FRAT2: variants seen among roughly 807,000 people sequenced by gnomAD.
FRAT2 encodes GSK-3-binding protein FRAT2.
For missense variants in FRAT2, 326 were observed against 340.8 expected, an observed-to-expected ratio of 0.96 and a Z score of 0.34; for synonymous variants, 205 against 171.5, an observed-to-expected ratio of 1.20 and a Z score of -1.53.
rs1373422865 is a variant in FRAT2, at chr10:97,332,678, C to T, written c.*1193G>A. On this transcript the variant is annotated 3_prime_UTR_variant, in exon 1 of 1. Transcript: ENST00000371019. ...CTACCTTAAAGTTTGGGGGTGGCAC[C>T]TTACAAAAGCGCCGTCAAGTTTCAT... The T allele has an allele frequency of 2.6e-5, 4 of 152,166 alleles. No individual in the cohort carries two copies. Among genetic ancestry groups the T allele is most frequent in the African/African-American group, 7.2e-5 (3 of 41,436 alleles). The allele number at this position is 152,166 out of a possible 1,614,324, so 9.4% of individuals were successfully genotyped here.
rs1003681428 is a variant in FRAT2, at chr10:97,332,850, G to C, written c.*1021C>G. ...CATGACTCCATGGAGGGCCAGAAGA[G>C]AGCAGAAAAACGTCCAGGGTCTCTC... On this transcript the variant is annotated 3_prime_UTR_variant, in exon 1 of 1. Transcript: ENST00000371019. 4 of 152,222 alleles carry C rather than the reference G, an allele frequency of 2.6e-5. No individual in the cohort carries two copies. Among genetic ancestry groups the C allele is most frequent in the Admixed American group, 2.6e-4 (4 of 15,272 alleles). 9.4% of individuals were successfully genotyped at this position (152,222 alleles called of 1,614,324 possible). A position where few individuals can be genotyped will look rare whatever the true frequency, so the allele number is the denominator to read the frequency against.
rs1843549152 is a variant in FRAT2, at chr10:97,333,931, G to A, written c.642C>T (p.Pro214=). The A allele has an allele frequency of 8.3e-6, 13 of 1,572,730 alleles. No homozygotes were observed. The East Asian group carries it at 3.0e-4, about 36-fold the overall frequency. The change falls in exon 1 of 1, where the codon CCC becomes CCT. Residue 214 remains proline (P), a synonymous_variant. Coordinates refer to ENST00000371019, the MANE Select transcript of FRAT2 (RefSeq NM_012083.3). ...GGTCAGGTCCGCTGCGGCCTCCCCC[G>A]GGCCCAGGGGCGCTTGCGGGGCCCG... ...AATGPASAPG[P]GGGRSGPDRI... is the part of the protein sequence containing the mutation.
chr10:97,333,175 C>A lies in FRAT2; in HGVS notation c.*696G>T, dbSNP rs951866113. 1 of 152,202 alleles carries A rather than the reference C, an allele frequency of 6.6e-6. No homozygotes were observed. Among genetic ancestry groups the A allele is most frequent in the Admixed American group, 6.5e-5 (1 of 15,284 alleles). 9.4% of individuals were successfully genotyped at this position (152,202 alleles called of 1,614,324 possible). On this transcript the variant is annotated 3_prime_UTR_variant, in exon 1 of 1. Transcript: ENST00000371019. ...GGGTGAGTAAGCTCTCCCAGGAACC[C>A]CACAGCAAACCGTGACCTTGAACAC...
Position 97,334,694 on chromosome 10 carries a change from C to G in FRAT2, c.-122G>C, listed in dbSNP as rs1018308115. On this transcript the variant is annotated 5_prime_UTR_variant, in exon 1 of 1. Transcript: ENST00000371019. Reference sequence around the variant, plus strand: ...CGCGGAAGCCGGAGCCCGCCAGGCACTCGAGCCACGCGCCTGCAGCCGCTG... The same window carrying G: ...CGCGGAAGCCGGAGCCCGCCAGGCAGTCGAGCCACGCGCCTGCAGCCGCTG... 9 of 1,172,802 alleles carry G rather than the reference C, an allele frequency of 7.7e-6. No individual in the cohort carries two copies. Among genetic ancestry groups the G allele is most frequent in the Non-Finnish European group, 8.7e-6 (8 of 916,636 alleles). The allele number at this position is 1,172,802 out of a possible 1,614,324, so 72.6% of individuals were successfully genotyped here.
rs1245102795 is a variant in FRAT2 at position 97,332,900 on chromosome 10, G to C, written c.*971C>G. ...CATGCATTCCTATAGACACCAGAAAGGGTGGAATAAGAAAGCTCAGCTGGG... is the reference window on the plus strand; with the variant it reads ...CATGCATTCCTATAGACACCAGAAACGGTGGAATAAGAAAGCTCAGCTGGG... On this transcript the variant is annotated 3_prime_UTR_variant, in exon 1 of 1. Transcript: ENST00000371019. The C allele has an allele frequency of 6.6e-6, 1 of 152,246 alleles. No individual in the cohort carries two copies. Among genetic ancestry groups the C allele is most frequent in the East Asian group, 1.9e-4 (1 of 5,196 alleles). 9.4% of individuals were successfully genotyped at this position (152,246 alleles called of 1,614,324 possible).
Position 97,333,705 on chromosome 10 carries a change from G to T in FRAT2, c.*166C>A. ...CGCTTAAGTTTTCTCCGACGGCCTC[G>T]CCGCGGCTGGTAACTTCTCTGGTTG... is the stretch of plus-strand genomic sequence containing the variant. On this transcript the variant is annotated 3_prime_UTR_variant, in exon 1 of 1. Coordinates refer to ENST00000371019, the MANE Select transcript of FRAT2 (RefSeq NM_012083.3). The T allele has an allele frequency of 1.5e-6, 1 of 669,066 alleles. No homozygotes were observed. Among genetic ancestry groups the T allele is most frequent in the Non-Finnish European group, 2.2e-6 (1 of 450,278 alleles). 41.4% of individuals were successfully genotyped at this position (669,066 alleles called of 1,614,324 possible).
rs1410234422 is a variant in FRAT2, at chr10:97,334,019, G to A, written c.554C>T (p.Ser185Leu). 3.1e-6 allele frequency: 5 copies of A among 1,595,778 alleles called. No homozygotes were observed. The highest frequency in any genetic ancestry group is 4.5e-5 in the East Asian group (2 of 44,704). ...PHRLLQQLVL[S>L]GNLIKEAVRR... ...CACGGCTTCCTTGATGAGGTTTCCC[G>A]AGAGCACGAGCTGCTGGAGGAGCCG... is the stretch of plus-strand genomic sequence containing the variant. Residue 185 changes from serine (S) to leucine (L), a missense_variant, in exon 1 of 1, where the codon TCG becomes TTG. Physicochemically the swap from Ser to Leu is moderately radical, Grantham distance 145 (BLOSUM62 -2). Transcript: ENST00000371019.
rs1266938154 is a variant in FRAT2 at position 97,332,725 on chromosome 10, G to A, written c.*1146C>T. ...TCATACAGCCAGCGGCTTCTTCTCT[G>A]GGAGAGTCACATTTTAAAACCGGTT... On this transcript the variant is annotated 3_prime_UTR_variant, in exon 1 of 1. Transcript: ENST00000371019. 2.6e-5 allele frequency: 4 copies of A among 152,166 alleles called. No homozygotes were observed. Among genetic ancestry groups the A allele is most frequent in the Non-Finnish European group, 5.9e-5 (4 of 68,034 alleles). The allele number at this position is 152,166 out of a possible 1,614,324, so 9.4% of individuals were successfully genotyped here.
At position 97,334,199 on chromosome 10, in the gene FRAT2, G is replaced by A. The variant is rs1438709989; in HGVS notation, c.374C>T (p.Ala125Val). Residue 125 changes from alanine (A) to valine (V), a missense_variant, in exon 1 of 1, where the codon GCT becomes GTT. Physicochemically the swap from Ala to Val is moderately conservative, Grantham distance 64. Transcript: ENST00000371019. ...GACCTCCGCCACGCAGTAGGGCGCA[G>A]CGCGTCCGCGCACGCGGCCGCGGTC... The part of the protein sequence containing the change: ...LGDRGRVRGR[A>V]APYCVAEVAA... 6.3e-6 allele frequency: 8 copies of A among 1,276,990 alleles called. No homozygotes were observed. Among genetic ancestry groups the A allele is most frequent in the Admixed American group, 4.3e-5 (1 of 23,370 alleles). 79.1% of individuals were successfully genotyped at this position (1,276,990 alleles called of 1,614,324 possible).
In FRAT2 at chr10:97,333,950, G is replaced by A. The variant is rs764178411; in HGVS notation, c.623C>T (p.Pro208Leu). The A allele has an allele frequency of 8.7e-5, 137 of 1,576,754 alleles. No individual in the cohort carries two copies. In the African/African-American group the frequency reaches 1.5e-3, roughly 17 times the overall value. The change falls in exon 1 of 1, where the codon CCC becomes CTC. Residue 208 changes from proline to leucine, a missense_variant. By Grantham distance (98) the Pro-to-Leu change is moderately conservative. Coordinates refer to ENST00000371019, the MANE Select transcript of FRAT2 (RefSeq NM_012083.3). ...TCCCCCGGGCCCAGGGGCGCTTGCGGGGCCCGTGGCTGCAACCGCGGCGAC... is the reference window on the plus strand; with the variant it reads ...TCCCCCGGGCCCAGGGGCGCTTGCGAGGCCCGTGGCTGCAACCGCGGCGAC... ...RAVAAVAATG[P>L]ASAPGPGGGR...
chr10:97,334,366 C>A lies in FRAT2; in HGVS notation c.207G>T (p.Val69=). ...SPASPCAPPG[V]PLRAPGPLAA... ...CCAGGGGCCCCGGGGCCCGCAGCGGCACCCCCGGGGGCGCGCACGGCGAGG... is the reference window on the plus strand; with the variant it reads ...CCAGGGGCCCCGGGGCCCGCAGCGGAACCCCCGGGGGCGCGCACGGCGAGG... The change falls in exon 1 of 1, where the codon GTG becomes GTT. Residue 69 remains valine, a synonymous_variant. Transcript: ENST00000371019. 1 of 1,221,824 alleles carries A rather than the reference C, an allele frequency of 8.2e-7. No individual in the cohort carries two copies. Among genetic ancestry groups the A allele is most frequent in the Non-Finnish European group, 1.0e-6 (1 of 982,180 alleles). The allele number at this position is 1,221,824 out of a possible 1,614,324, so 75.7% of individuals were successfully genotyped here. A position where few individuals can be genotyped will look rare whatever the true frequency, so the allele number is the denominator to read the frequency against.
chr10:97,333,791 G>C lies in FRAT2; in HGVS notation c.*80C>G, dbSNP rs571757577. ...GGTCGCTCCCAGGCTGGCGACGTCG[G>C]CTTCAGCTCAGAGTTAGTAGGAACT... On this transcript the variant is annotated 3_prime_UTR_variant, in exon 1 of 1. Transcript: ENST00000371019. The C allele has an allele frequency of 7.4e-7, 1 of 1,352,834 alleles. No homozygotes were observed. The highest frequency in any genetic ancestry group is 1.7e-5 in the South Asian group (1 of 57,176). The allele number at this position is 1,352,834 out of a possible 1,614,324, so 83.8% of individuals were successfully genotyped here. A position where few individuals can be genotyped will look rare whatever the true frequency, so the allele number is the denominator to read the frequency against.
Position 97,334,677 on chromosome 10 carries a change from C to A in FRAT2, c.-105G>T. 3.2e-6 allele frequency: 4 copies of A among 1,252,454 alleles called. No individual in the cohort carries two copies. The highest frequency in any genetic ancestry group is 2.4e-5 in the South Asian group (1 of 42,502). The allele number at this position is 1,252,454 out of a possible 1,614,324, so 77.6% of individuals were successfully genotyped here. On this transcript the variant is annotated 5_prime_UTR_variant, in exon 1 of 1. Transcript: ENST00000371019. Reference sequence around the variant, plus strand: ...GCCGGAGCAGGGGCGGACGCGGAAGCCGGAGCCCGCCAGGCACTCGAGCCA... The same window carrying A: ...GCCGGAGCAGGGGCGGACGCGGAAGACGGAGCCCGCCAGGCACTCGAGCCA...
Position 97,333,889 on chromosome 10 carries a change from G to T in FRAT2, c.684C>A (p.Pro228=). 1.3e-6 allele frequency: 2 copies of T among 1,546,628 alleles called. No homozygotes were observed. The highest frequency in any genetic ancestry group is 4.7e-5 in the East Asian group (2 of 42,806). The change falls in exon 1 of 1, where the codon CCC becomes CCA. Residue 228 remains proline (P), a synonymous_variant. Transcript: ENST00000371019. ...RSGPDRIALQ[P]SGSLL is the part of the protein sequence containing the mutation. ...GCCTGCGTCAGAGCAAGGAGCCTGA[G>T]GGCTGCAGGGCAATGCGGTCAGGTC...
Position 97,334,297 on chromosome 10 carries a change from C to A in FRAT2, c.276G>T (p.Pro92=), listed in dbSNP as rs1589397824. The change falls in exon 1 of 1, where the codon CCG becomes CCT. Residue 92 remains proline, a synonymous_variant. Coordinates refer to ENST00000371019, the MANE Select transcript of FRAT2 (RefSeq NM_012083.3). ...PADKARPPAV[P]LLLPPASAET... ...CAGCCGAAGCGGGCGGCAGCAGCAG[C>A]GGCACCGCCGGGGGCCGGGCCTTGT... 29 of 1,138,036 alleles carry A rather than the reference C, an allele frequency of 2.5e-5. No individual in the cohort carries two copies. The highest frequency in any genetic ancestry group is 3.6e-4 in the Middle Eastern group (1 of 2,744). The allele number at this position is 1,138,036 out of a possible 1,614,324, so 70.5% of individuals were successfully genotyped here.
chr10:97,333,861 G>T lies in FRAT2; in HGVS notation c.*10C>A. The T allele has an allele frequency of 6.7e-7, 1 of 1,493,118 alleles. No individual in the cohort carries two copies. The highest frequency in any genetic ancestry group is 2.5e-5 in the East Asian group (1 of 40,776). 92.5% of individuals were successfully genotyped at this position (1,493,118 alleles called of 1,614,324 possible). A position where few individuals can be genotyped will look rare whatever the true frequency, so the allele number is the denominator to read the frequency against. On this transcript the variant is annotated 3_prime_UTR_variant, in exon 1 of 1. Coordinates refer to ENST00000371019, the MANE Select transcript of FRAT2 (RefSeq NM_012083.3). Reference sequence around the variant, plus strand: ...CAGCGGCCTCCACTTCCTCCTCCAGGAGGCCTGCGTCAGAGCAAGGAGCCT... The same window carrying T: ...CAGCGGCCTCCACTTCCTCCTCCAGTAGGCCTGCGTCAGAGCAAGGAGCCT...
At position 97,334,109 on chromosome 10, in the gene FRAT2, G is replaced by C. The variant is rs1025220003; in HGVS notation, c.464C>G (p.Ser155Cys). 1.9e-6 allele frequency: 3 copies of C among 1,578,680 alleles called. No homozygotes were observed. In the East Asian group the frequency reaches 6.9e-5, roughly 36 times the overall value. Residue 155 changes from serine (S) to cysteine (C), a missense_variant, in exon 1 of 1, where the codon TCC becomes TGC. By Grantham distance (112) the Ser-to-Cys change is moderately radical. Transcript: ENST00000371019. Reference protein sequence around the residue: ...RRGWLRDAVTSRRLQQRRWTQ... With the variant: ...RRGWLRDAVTCRRLQQRRWTQ... ...CCATCGGCGCTGCTGCAAGCGGCGGGAGGTGACCGCGTCCCTGAGCCATCC... is the reference window on the plus strand; with the variant it reads ...CCATCGGCGCTGCTGCAAGCGGCGGCAGGTGACCGCGTCCCTGAGCCATCC...
chr10:97,334,659 C>T lies in FRAT2; in HGVS notation c.-87G>A. ...CGCGGAGCTGCGGGCGAAGCCGGAG[C>T]AGGGGCGGACGCGGAAGCCGGAGCC... On this transcript the variant is annotated 5_prime_UTR_variant, in exon 1 of 1. Coordinates refer to ENST00000371019, the MANE Select transcript of FRAT2 (RefSeq NM_012083.3). The T allele has an allele frequency of 7.8e-7, 1 of 1,283,364 alleles. No individual in the cohort carries two copies. Among genetic ancestry groups the T allele is most frequent in the Non-Finnish European group, 9.9e-7 (1 of 1,012,296 alleles). The allele number at this position is 1,283,364 out of a possible 1,614,324, so 79.5% of individuals were successfully genotyped here. A position where few individuals can be genotyped will look rare whatever the true frequency, so the allele number is the denominator to read the frequency against.
At position 97,333,705 on chromosome 10, in the gene FRAT2, GC is replaced by G; in HGVS notation, c.*165del. On this transcript the variant is annotated 3_prime_UTR_variant, in exon 1 of 1. Transcript: ENST00000371019. ...CGCTTAAGTTTTCTCCGACGGCCTC[GC>G]CGCGGCTGGTAACTTCTCTGGTTGA... is the stretch of plus-strand genomic sequence containing the variant. The G allele has an allele frequency of 1.5e-6, 1 of 669,070 alleles. No homozygotes were observed. The highest frequency in any genetic ancestry group is 2.2e-6 in the Non-Finnish European group (1 of 450,282). 41.4% of individuals were successfully genotyped at this position (669,070 alleles called of 1,614,324 possible).
Sources: gnomAD v4.1 joint callset for allele counts on GRCh38, gnomAD v4.1.1 for gene constraint, MANE v1.5 for transcripts, NCBI Gene and HGNC (gene_info 2026-07-23, HGNC 2026-07-21) for gene names.